Variants in MEG3 observed in about 807,000 individuals in gnomAD.
The protein encoded by MEG3 is maternally expressed 3.
At chr14:100,851,891 T>C (rs2038090415) in intron 3 of MEG3, 1 of 160,778 alleles carries the variant, frequency 6.2e-6, no homozygotes, top group East Asian at 1.9e-4. Flanking sequence ...CCTTTCTCTG[T>C]AGTGGAGGAA....
intron 3 of MEG3, chr14:100,851,121 A>G (rs2038059689): frequency 6.6e-6 from 1 of 152,302 alleles, no homozygotes; most frequent in South Asian, 2.1e-4. Context: ...CCCATCTGTA[A>G]ACCTGGAGTG....
rs569393764 is a variant in MEG3, at chr14:100,828,424, C to T, written n.372-284C>T. 1.6e-4 allele frequency among the ~76,000 whole-genome samples: 24 copies of T among 148,242 alleles called. 1 individual carries two copies. In the East Asian group the frequency reaches 3.1e-3, roughly 19 times the overall value. On this transcript the variant is annotated intron_variant and non_coding_transcript_variant, in intron 1 of 2. Transcript: ENST00000556407. ...TCCTCCCCCTCCTATTTTTCTTCTC[C>T]CTCCTCCCTCTTTCCTCTTCCCTCC...
chr14:100,844,675 G>A (rs985694127), intron 2 of MEG3, among the ~76,000 whole-genome samples: 1 of 152,092 alleles, frequency 6.6e-6, no homozygotes, highest in Non-Finnish European at 1.5e-5. Context: ...ACTCTTTGTG[G>A]CGCACATCCT....
intron 3 of MEG3, chr14:100,846,634 G>A (rs1166076753): frequency 6.6e-6 from 1 of 152,236 alleles, no homozygotes; most frequent in Admixed American, 6.5e-5. Context: ...AGTGAAGCAA[G>A]AGAGAATGAA....
intron 2 of MEG3, among the ~76,000 whole-genome samples, chr14:100,844,571 G>A (rs891903353): frequency 5.9e-5 from 9 of 152,096 alleles, no homozygotes; most frequent in African/African-American, 1.2e-4. Context: ...TCATTCACAC[G>A]TTGCCTCCGT....
intron 3 of MEG3, chr14:100,846,985 G>A (rs959620087): frequency 4.0e-5 from 6 of 151,624 alleles, no homozygotes; most frequent in Non-Finnish European, 8.8e-5. Flanking sequence ...AAAGGGAGAA[G>A]GGAAAGGTTT....
At chr14:100,838,468 C>T (rs988802716) in intron 2 of MEG3, among the ~76,000 whole-genome samples, 3 of 152,228 alleles carry the variant, frequency 2.0e-5, no homozygotes, top group Non-Finnish European at 1.5e-5. Flanking sequence ...TGGTGATCTT[C>T]TCGGGAACTG....
chr14:100,844,367 G>A (rs941221503), intron 2 of MEG3, among the ~76,000 whole-genome samples: 1 of 152,108 alleles, frequency 6.6e-6, no homozygotes, highest in African/African-American at 2.4e-5. Flanking sequence ...TGCGTTGGTG[G>A]GACCTCAGCT....
At chr14:100,831,528 C>T (rs978734613), downstream of MEG3, 17 of 152,676 alleles carry the variant, frequency 1.1e-4, no homozygotes, top group African/African-American at 3.9e-4. Flanking sequence ...GAAGCACGCT[C>T]ACAAAGGTAA....
At chr14:100,860,691 C>T (rs1416015017) in intron 1 of MEG3, 3 of 456,532 alleles carry the variant, frequency 6.6e-6, no homozygotes. Context: ...TCTCTCTCAG[C>T]CTCCACAGCC....
At chr14:100,836,678 C>T (rs10149931) in intron 2 of MEG3, among the ~76,000 whole-genome samples, 2 of 152,076 alleles carry the variant, frequency 1.3e-5, no homozygotes, top group African/African-American at 4.8e-5. Flanking sequence ...CCACACCCGG[C>T]CCAGGGACCC....
intron 2 of MEG3, among the ~76,000 whole-genome samples, chr14:100,844,255 C>T (rs1358949234): frequency 6.6e-6 from 1 of 152,116 alleles, no homozygotes. Context: ...CTGTCTCCAC[C>T]TGTGCCTAAT....
upstream of MEG3, chr14:100,854,603 T>C (rs1389110614): frequency 1.3e-5 from 2 of 152,336 alleles, no homozygotes; most frequent in African/African-American, 4.8e-5. Context: ...TGGACTCCGA[T>C]CTTGCCCTTG....
chr14:100,860,726 C>T, intron 1 of MEG3: 1 of 456,602 alleles, frequency 2.2e-6, no homozygotes, highest in Non-Finnish European at 4.4e-6. Context: ...CACCTATTCC[C>T]ACGGGACAGG....
chr14:100,835,004 G>A lies in MEG3; in HGVS notation n.2036G>A, dbSNP rs529861162. On this transcript the variant is annotated non_coding_transcript_exon_variant, in exon 1 of 4. Coordinates refer to the MEG3 transcript ENST00000398461. ...TGGTCTGGCCTGGGCACCGGCCACC[G>A]TAGCCCATCCCTTGATGGCCTCTGT... is the stretch of plus-strand genomic sequence containing the variant. 5.6e-3 allele frequency: 2,015 copies of A among 362,474 alleles called. 10 individuals are homozygous for A. The highest frequency in any genetic ancestry group is 8.2e-3 in the Non-Finnish European group (1,494 of 181,276). 22.5% of individuals were successfully genotyped at this position (362,474 alleles called of 1,614,324 possible).
chr14:100,860,040 G>A (rs2038358906), exon 1 of MEG3: 1 of 153,404 alleles, frequency 6.5e-6, no homozygotes, highest in African/African-American at 2.4e-5. Flanking sequence ...TGGCACACAG[G>A]CGCTCTCATC....
chr14:100,859,850 C>T (rs369868558), exon 1 of MEG3: 2 of 152,350 alleles, frequency 1.3e-5, no homozygotes, highest in East Asian at 1.9e-4. Context: ...TGAGAATTCT[C>T]GCTGCATGCC....
exon 1 of MEG3, chr14:100,860,259 A>C: frequency 9.4e-6 from 2 of 213,860 alleles, no homozygotes; most frequent in South Asian, 1.2e-4. Flanking sequence ...CCGAGGGGAA[A>C]TGTTTAGAGC....
chr14:100,826,329 CCTGCTG>C (rs1419751798), intron 1 of MEG3: 3 of 152,316 alleles, frequency 2.0e-5, no homozygotes, highest in Non-Finnish European at 4.4e-5. Context: ...GATCCTGGGT[CCTGCTG>C]CTGGAGGCGG....
Sources: allele counts gnomAD v4.1 joint callset (sites outside exome capture counted in the v4.1 genomes callset), GRCh38; gene constraint gnomAD v4.1.1; transcripts MANE v1.5; gene names NCBI Gene and HGNC (gene_info 2026-07-23, HGNC 2026-07-21).